The following TDRD9 variants were observed in gnomAD, a reference collection of about 807,000 sequenced individuals.
TDRD9 encodes tudor domain containing 9, also known as ATP-dependent RNA helicase TDRD9.
Under a neutral mutation model 172.6 loss-of-function variants are expected in TDRD9, and 124 were observed. The observed-to-expected ratio is 0.72, with a 90% CI of 0.62 to 0.83. The LOEUF is 0.83. TDRD9 is among the 40% of genes least tolerant of loss of function. TDRD9 has a pLI of 0.00. For missense variants in TDRD9, 1,479 were observed against 1,714.1 expected, an observed-to-expected ratio of 0.86 and a Z score of 2.42; for synonymous variants, 619 against 617.1, an observed-to-expected ratio of 1.00 and a Z score of -0.05.
In TDRD9 at chr14:104,014,860, G is replaced by A. The variant is rs2034737406; in HGVS notation, c.2223+19G>A. The A allele has an allele frequency of 2.1e-6, 3 of 1,443,248 alleles. No homozygotes were observed. The highest frequency in any genetic ancestry group is 2.8e-6 in the Non-Finnish European group (3 of 1,054,018). The allele number at this position is 1,443,248 out of a possible 1,614,324, so 89.4% of individuals were successfully genotyped here. ...CCTACAGGTGTGCTGAAGTTTCCTG[G>A]ATATTTTTTTTCCTGATTCTTTCTG... On this transcript the variant is annotated intron_variant, in intron 21 of 35. Transcript: ENST00000409874.
intron 11 of TDRD9, among the ~76,000 whole-genome samples, chr14:103,995,179 G>A (rs910738864): frequency 2.0e-5 from 3 of 152,020 alleles, no homozygotes; most frequent in East Asian, 1.9e-4. Flanking sequence ...GACTGTTCTC[G>A]TGTCCTTGAA....
Position 104,044,029 on chromosome 14 carries a change from G to T in TDRD9, c.3974+1842G>T, listed in dbSNP as rs140979739. ...CCCTGCTTAAGCCTGTGTGTCATAC[G>T]GTACCTGGTCAATCCCACCACTGCA... On this transcript the variant is annotated intron_variant, in intron 34 of 35. Transcript: ENST00000409874. Among the ~76,000 whole-genome samples, 17 of 152,210 alleles carry T rather than the reference G, an allele frequency of 1.1e-4. No homozygotes were observed. In the East Asian group the frequency reaches 3.3e-3, roughly 29 times the overall value.
At chr14:104,008,759 G>A (rs1340081240) in intron 20 of TDRD9, among the ~76,000 whole-genome samples, 1 of 152,112 alleles carries the variant, frequency 6.6e-6, no homozygotes, top group South Asian at 2.1e-4. Context: ...TATATGTCAG[G>A]ATAAAGAGAT....
rs190340862 is a variant in TDRD9 at position 103,955,210 on chromosome 14, C to A, written c.216-454C>A. On this transcript the variant is annotated intron_variant, in intron 1 of 35. Transcript: ENST00000409874. ...AAAGTGCTGGGATTACAGGTGTGAA[C>A]CACCATGCCTGGCTGTTTTAAGTTT... 1.0e-3 allele frequency among the ~76,000 whole-genome samples: 152 copies of A among 152,266 alleles called. 2 individuals carry two copies. Among genetic ancestry groups the A allele is most frequent in the Non-Finnish European group, 2.9e-5 (2 of 68,012 alleles).
chr14:103,933,857 T>C (rs1215342414), intron 1 of TDRD9, among the ~76,000 whole-genome samples: 1 of 152,266 alleles, frequency 6.6e-6, no homozygotes, highest in African/African-American at 2.4e-5. Context: ...TGAAGTTTAC[T>C]TTGTCCTAAG....
chr14:103,958,292 T>C (rs1351904456), intron 2 of TDRD9, among the ~76,000 whole-genome samples: 1 of 151,860 alleles, frequency 6.6e-6, no homozygotes, highest in Non-Finnish European at 1.5e-5. Flanking sequence ...TGAGGCAGTG[T>C]GGGGGTGCAG....
chr14:103,964,116 C>T (rs1162524907), intron 3 of TDRD9, among the ~76,000 whole-genome samples: 3 of 152,086 alleles, frequency 2.0e-5, no homozygotes, highest in Admixed American at 6.6e-5. Flanking sequence ...TATGGTGGCA[C>T]GTGCCTGTGG....
At chr14:103,970,403 GAT>G (rs1329222335) in intron 5 of TDRD9, 136 bp from the exon 6 acceptor site, 1 of 636,810 alleles carries the variant, frequency 1.6e-6, no homozygotes, top group East Asian at 2.7e-5. Context: ...AACCAGGAGT[GAT>G]ACTAGCCCCC....
intron 20 of TDRD9, among the ~76,000 whole-genome samples, chr14:104,014,231 CAA>C (rs370386257): frequency 0.58 from 58,643 of 101,120 alleles, 13,630 homozygotes; most frequent in Non-Finnish European, 0.65. Context: ...GAGACTGTCT[CAA>C]AAAAAAAAAA....
chr14:104,026,940 G>GTGT lies in TDRD9; in HGVS notation c.3282+2_3282+4dup. 6.2e-7 allele frequency: 1 copy of GTGT among 1,612,026 alleles called. No homozygotes were observed. The highest frequency in any genetic ancestry group is 1.3e-5 in the African/African-American group (1 of 75,000). ...CACGGAGGAGTCCTACGAGTCCAAG[G>GTGT]TGTGTGCTTTCGCCGTTGCTGGAGC... On this transcript the variant is annotated splice_donor_variant, in intron 28 of 35. Coordinates refer to ENST00000409874, the MANE Select transcript of TDRD9 (RefSeq NM_153046.3). LOFTEE classifies it high-confidence loss of function.
intron 1 of TDRD9, among the ~76,000 whole-genome samples, chr14:103,947,357 T>G (rs2031621156): frequency 6.6e-6 from 1 of 151,610 alleles, no homozygotes; most frequent in South Asian, 2.1e-4. Context: ...TTAGATGGAG[T>G]CTCTCTCTGT....
chr14:103,947,548 G>C (rs7144813), intron 1 of TDRD9, among the ~76,000 whole-genome samples: 57,442 of 151,756 alleles, frequency 0.38, 11,013 homozygotes, highest in Middle Eastern at 0.42. Flanking sequence ...CAGATGGTCT[G>C]GATCTCCTGA....
chr14:103,985,332 T>C (rs2033621642), intron 7 of TDRD9, among the ~76,000 whole-genome samples: 1 of 152,222 alleles, frequency 6.6e-6, no homozygotes. Flanking sequence ...GGGTAGGTCC[T>C]TCCTGTGCTG....
At chr14:104,034,893 C>A in intron 31 of TDRD9, 67 bp from the exon 32 acceptor site, 1 of 1,271,390 alleles carries the variant, frequency 7.9e-7, no homozygotes, top group Non-Finnish European at 1.1e-6. Flanking sequence ...AGGAGCGGGC[C>A]GGGAGGGAAC....
chr14:103,939,283 A>C (rs1231143718), intron 1 of TDRD9, among the ~76,000 whole-genome samples: 1 of 152,164 alleles, frequency 6.6e-6, no homozygotes, highest in African/African-American at 2.4e-5. Context: ...CTTCATATAC[A>C]AACTTCACGT....
At chr14:103,952,210 A>G in intron 1 of TDRD9, among the ~76,000 whole-genome samples, 1 of 72,656 alleles carries the variant, frequency 1.4e-5, no homozygotes, top group Middle Eastern at 5.6e-3. Flanking sequence ...ATATATATAT[A>G]TATATATATA....
chr14:103,947,328 T>C (rs1270315365), intron 1 of TDRD9, among the ~76,000 whole-genome samples: 1 of 151,848 alleles, frequency 6.6e-6, no homozygotes, highest in East Asian at 1.9e-4. Flanking sequence ...TTTTTGTTTT[T>C]TTGTTTTTTT....
At position 104,034,948 on chromosome 14, in the gene TDRD9, T is replaced by A; in HGVS notation, c.3620-12T>A. 4 of 1,549,148 alleles carry A rather than the reference T, an allele frequency of 2.6e-6. No homozygotes were observed. Among genetic ancestry groups the A allele is most frequent in the Non-Finnish European group, 3.5e-6 (4 of 1,144,948 alleles). On this transcript the variant is annotated splice_polypyrimidine_tract_variant and intron_variant, in intron 31 of 35. Coordinates refer to ENST00000409874, the MANE Select transcript of TDRD9 (RefSeq NM_153046.3). ...GTTAATGCCCGATGTTGATTTAGCA[T>A]GACTTGAACAGGATCTACGATGCTG... is the stretch of plus-strand genomic sequence containing the variant.
intron 24 of TDRD9, among the ~76,000 whole-genome samples, chr14:104,023,803 G>A (rs182792466): frequency 3.9e-4 from 59 of 152,342 alleles, no homozygotes; most frequent in Middle Eastern, 3.4e-3. Context: ...TGGTTTCTGA[G>A]AGTTTGGGAG....
Sources: allele counts gnomAD v4.1 joint callset (sites outside exome capture counted in the v4.1 genomes callset), GRCh38; gene constraint gnomAD v4.1.1; transcripts MANE v1.5; gene names NCBI Gene and HGNC (gene_info 2026-07-23, HGNC 2026-07-21).